The following NKAIN4 variants were observed in gnomAD, a reference collection of about 807,000 sequenced individuals.
The protein encoded by NKAIN4 is sodium/potassium transporting ATPase interacting 4, also known as sodium/potassium-transporting ATPase subunit beta-1-interacting protein 4.
A neutral mutation model predicts 28.8 loss-of-function variants in NKAIN4; 28 were observed. That is an observed-to-expected ratio of 0.97 (90% CI 0.72 to 1.33). The LOEUF (loss-of-function observed/expected upper bound fraction) is 1.33. Ranked by LOEUF, NKAIN4 falls within the 40% of genes most tolerant of loss-of-function variation. The probability of loss-of-function intolerance (pLI) is 0.00; values close to 1 mark genes in which losing one functional copy is unlikely to be tolerated. For missense variants in NKAIN4, 289 were observed against 277.2 expected (o/e 1.04, Z -0.30); for synonymous variants, 122 against 115.6 (o/e 1.06, Z -0.36).
intron 5 of NKAIN4, 102 bp downstream of exon 5, chr20:63,243,922 C>T (rs2066808307): frequency 1.0e-6 from 1 of 969,722 alleles, no homozygotes; most frequent in Non-Finnish European, 1.6e-6. Context: ...AGGTCCCTTC[C>T]AAGTGGGGAG....
rs759743339 is a variant in NKAIN4 at position 63,254,133 on chromosome 20, C to T, written c.54+264G>A. The T allele has an allele frequency of 1.1e-5, 5 of 453,902 alleles. No homozygotes were observed. In the South Asian group the frequency reaches 1.2e-4, roughly 11 times the overall value. The allele number at this position is 453,902 out of a possible 1,614,324, so 28.1% of individuals were successfully genotyped here. ...TCCGGCCAGCCCATCCAGCCGCTGC[C>T]CCGCACCTGTCCCCGCCGCTCCGGA... On this transcript the variant is annotated intron_variant, in intron 1 of 6. Transcript: ENST00000370316.
rs558802559 is a variant in NKAIN4 at position 63,242,021 on chromosome 20, T to C, written c.618-515A>G. 5.6e-4 allele frequency among the ~76,000 whole-genome samples: 85 copies of C among 152,132 alleles called. 1 individual carries two copies. Among genetic ancestry groups the C allele is most frequent in the African/African-American group, 1.9e-3 (78 of 41,520 alleles). ...ACCTATTCTGAGCCCCAAACTAGGA[T>C]TGTGTACGGGGCGGGCTGTGTGGCA... On this transcript the variant is annotated intron_variant, in intron 6 of 6. Coordinates refer to ENST00000370316, the MANE Select transcript of NKAIN4 (RefSeq NM_152864.4).
intron 1 of NKAIN4, chr20:63,254,034 C>G (rs961809963): frequency 7.2e-5 from 18 of 248,424 alleles, no homozygotes; most frequent in Non-Finnish European, 1.1e-4. Context: ...CAGGCGCGCA[C>G]CCGGGGGCGC....
chr20:63,244,111 G>T (rs759590975), intron 4 of NKAIN4, 27 bp from the exon 5 acceptor site: 7 of 1,604,322 alleles, frequency 4.4e-6, no homozygotes, highest in Non-Finnish European at 2.6e-6. Context: ...GCAGGGGCGT[G>T]AGTGCGGCCA....
intron 4 of NKAIN4, chr20:63,246,876 G>A (rs1207835408): frequency 3.0e-6 from 3 of 985,120 alleles, no homozygotes; most frequent in African/African-American, 1.7e-5. Context: ...TGAGGCACAC[G>A]GAGGTTGTTA....
intron 6 of NKAIN4, 45 bp downstream of exon 6, chr20:63,242,494 A>G: frequency 7.0e-7 from 1 of 1,422,698 alleles, no homozygotes; most frequent in Non-Finnish European, 9.9e-7. Flanking sequence ...TGAGGGCCAG[A>G]TTGGCCAGGC....
intron 5 of NKAIN4, among the ~76,000 whole-genome samples, chr20:63,243,392 C>T (rs2066796312): frequency 6.6e-6 from 1 of 152,036 alleles, no homozygotes; most frequent in Non-Finnish European, 1.5e-5. Flanking sequence ...TGGATTCTGA[C>T]CCCAGGGAGA....
At chr20:63,254,062 C>A (rs1430082559) in intron 1 of NKAIN4, 1 of 316,966 alleles carries the variant, frequency 3.2e-6, no homozygotes. Context: ...GCCACACACG[C>A]CTCCCCAGGC....
chr20:63,250,216 C>G (rs761598976), intron 1 of NKAIN4, 144 bp from the exon 2 acceptor site: 96 of 908,058 alleles, frequency 1.1e-4, no homozygotes, highest in Non-Finnish European at 1.4e-4. Flanking sequence ...CGAAGGACAC[C>G]AGGGCTGTAA....
chr20:63,249,925 C>G lies in NKAIN4; in HGVS notation c.192+10G>C. The G allele has an allele frequency of 6.2e-7, 1 of 1,610,696 alleles. No individual in the cohort carries two copies. The highest frequency in any genetic ancestry group is 1.7e-4 in the Middle Eastern group (1 of 6,052). On this transcript the variant is annotated intron_variant, in intron 2 of 6. Coordinates refer to ENST00000370316, the MANE Select transcript of NKAIN4 (RefSeq NM_152864.4). ...ACCTGCCCATAAAGAGGGCCGGGCC[C>G]AGGACTCACCACCATGACATAGCGC... is the stretch of plus-strand genomic sequence containing the variant.
intron 1 of NKAIN4, chr20:63,253,272 T>C (rs2066992700): frequency 4.1e-6 from 4 of 985,274 alleles, no homozygotes; most frequent in Non-Finnish European, 4.8e-6. Context: ...CCCAGCCTGT[T>C]GCAGGACCTC....
intron 1 of NKAIN4, among the ~76,000 whole-genome samples, chr20:63,250,693 G>GA (rs1185052898): frequency 6.6e-6 from 1 of 152,136 alleles, no homozygotes; most frequent in Non-Finnish European, 1.5e-5. Context: ...GAGAACCAAT[G>GA]AGGGGGGGAG....
chr20:63,253,631 T>C (rs2066999860), intron 1 of NKAIN4, among the ~76,000 whole-genome samples: 1 of 152,176 alleles, frequency 6.6e-6, no homozygotes. Context: ...GCGAGGCCTT[T>C]GTTTAGCCCC....
rs992151082 is a variant in NKAIN4, at chr20:63,241,404, G to C, written c.*93C>G. 6 of 1,387,866 alleles carry C rather than the reference G, an allele frequency of 4.3e-6. No individual in the cohort carries two copies. The highest frequency in any genetic ancestry group is 6.0e-6 in the Non-Finnish European group (6 of 999,652). 86.0% of individuals were successfully genotyped at this position (1,387,866 alleles called of 1,614,324 possible). The stretch of plus-strand genomic sequence containing the variant: ...CCGGCCGCCTGGGGGGTGCTGGGTG[G>C]GGGCGCGTCCCAAGGCCTGGGAGCT... On this transcript the variant is annotated 3_prime_UTR_variant, in exon 7 of 7. Coordinates refer to ENST00000370316, the MANE Select transcript of NKAIN4 (RefSeq NM_152864.4).
Position 63,247,667 on chromosome 20 carries a change from G to A in NKAIN4, c.382C>T (p.His128Tyr). 6.5e-7 allele frequency: 1 copy of A among 1,544,036 alleles called. No individual in the cohort carries two copies. Among genetic ancestry groups the A allele is most frequent in the African/African-American group, 1.4e-5 (1 of 73,056 alleles). Residue 128 changes from histidine to tyrosine, a missense_variant, in exon 4 of 7, where the codon CAT becomes TAT. His to Tyr is a moderately conservative substitution (Grantham distance 83, BLOSUM62 2). Coordinates refer to ENST00000370316, the MANE Select transcript of NKAIN4 (RefSeq NM_152864.4). ...EVPAVGLGAP[H>Y]GQALVSGAGC... is the part of the protein sequence containing the mutation. ...GCACCTGACACCAGGGCCTGGCCAT[G>A]GGGGGCCCCGAGGCCCACTGCTGGC... is the stretch of plus-strand genomic sequence containing the variant.
chr20:63,244,546 G>C (rs1751458809), intron 4 of NKAIN4: 1 of 471,614 alleles, frequency 2.1e-6, no homozygotes, highest in Non-Finnish European at 4.4e-6. Context: ...CTGGGATTCT[G>C]GTTTTGAGCC....
chr20:63,253,743 G>A (rs2067002016), intron 1 of NKAIN4, among the ~76,000 whole-genome samples: 2 of 152,170 alleles, frequency 1.3e-5, no homozygotes, highest in South Asian at 2.1e-4. Context: ...AGGGAGCCCC[G>A]ACCAATCCCG....
chr20:63,247,991 C>A, intron 3 of NKAIN4: 2 of 468,208 alleles, frequency 4.3e-6, no homozygotes, highest in South Asian at 9.3e-5. Context: ...GCCCTCGACC[C>A]ACACACCTCC....
intron 3 of NKAIN4, 114 bp from the exon 4 acceptor site, chr20:63,247,889 A>C (rs1601288765): frequency 2.3e-6 from 3 of 1,328,438 alleles, no homozygotes; most frequent in South Asian, 2.2e-5. Context: ...CTGTCCTCTC[A>C]CCTCCCCTGT....
Sources: gnomAD v4.1 joint callset for allele counts (sites outside exome capture counted in the v4.1 genomes callset) on GRCh38, gnomAD v4.1.1 for gene constraint, MANE v1.5 for transcripts, NCBI Gene and HGNC (gene_info 2026-07-23, HGNC 2026-07-21) for gene names.